Variants in FREM2 observed in about 807,000 individuals in gnomAD.
FREM2 encodes the protein FRAS1-related extracellular matrix protein 2.
FREM2 carries 119 observed loss-of-function variants against 219.9 expected under a neutral mutation model. The ratio of observed to expected loss-of-function variants is 0.54; its 90% CI spans 0.47 to 0.63. FREM2 has a LOEUF of 0.63. FREM2 is among the 30% of genes least tolerant of loss of function. FREM2 has a pLI of 0.00. For missense variants in FREM2, 4,030 were observed against 3,993.6 expected (o/e 1.01, Z -0.25); for synonymous variants, 1,562 against 1,522.8 (o/e 1.03, Z -0.60).
chr13:38,687,965 C>G lies in FREM2; in HGVS notation c.621C>G (p.Phe207Leu). Reference protein sequence around the residue: ...SNALDARSLEFAFQPETEECR... With the variant: ...SNALDARSLELAFQPETEECR... ...CCCTGGACGCGCGGAGCCTGGAGTT[C>G]GCCTTCCAGCCCGAGACAGAGGAGT... The change falls in exon 1 of 24, where the codon TTC (phenylalanine) becomes TTG (leucine). Residue 207 changes from phenylalanine (F) to leucine (L), a missense_variant. Phe to Leu is a conservative substitution (Grantham distance 22, BLOSUM62 0). This residue lies in a region of FREM2 where 3,102 missense variants were observed against 2,950.7 expected (regional missense o/e 1.05). Transcript: ENST00000280481. The G allele has an allele frequency of 6.2e-7, 1 of 1,611,456 alleles. No individual in the cohort carries two copies. The highest frequency in any genetic ancestry group is 1.7e-5 in the Admixed American group (1 of 59,818).
intron 2 of FREM2, among the ~76,000 whole-genome samples, chr13:38,702,196 C>G (rs1348112323): frequency 1.3e-5 from 2 of 152,036 alleles, no homozygotes; most frequent in African/African-American, 4.8e-5. Flanking sequence ...TTAACTAAAT[C>G]AACTGCTGTG....
At chr13:38,830,905 ACT>A (rs556021839) in intron 6 of FREM2, among the ~76,000 whole-genome samples, 95 of 152,074 alleles carry the variant, frequency 6.2e-4, no homozygotes, top group African/African-American at 2.2e-3. Context: ...TGATTCTCAG[ACT>A]CTAATATGTG....
At chr13:38,855,141 T>A (rs1218739553) in intron 11 of FREM2, among the ~76,000 whole-genome samples, 1 of 152,104 alleles carries the variant, frequency 6.6e-6, no homozygotes, top group East Asian at 1.9e-4. Context: ...AATTCTGATT[T>A]TTTTTTTAGG....
chr13:38,767,691 G>A (rs1873495244), intron 3 of FREM2, among the ~76,000 whole-genome samples: 1 of 152,168 alleles, frequency 6.6e-6, no homozygotes, highest in African/African-American at 2.4e-5. Context: ...AATTGTAGTG[G>A]ATCCAAGAGG....
chr13:38,770,325 TG>T (rs1339524967), intron 4 of FREM2, among the ~76,000 whole-genome samples: 1 of 151,694 alleles, frequency 6.6e-6, no homozygotes, highest in African/African-American at 2.4e-5. Flanking sequence ...CCCAAAGCAC[TG>T]GGATTACAGG....
Position 38,689,742 on chromosome 13 carries a change from G to A in FREM2, c.2398G>A (p.Ala800Thr). 2.5e-6 allele frequency: 4 copies of A among 1,613,320 alleles called. No homozygotes were observed. Among genetic ancestry groups the A allele is most frequent in the Non-Finnish European group, 3.4e-6 (4 of 1,179,632 alleles). ...GQELGVATRVAQFQFQVEDRA... is the reference protein window; with the variant it reads ...GQELGVATRVTQFQFQVEDRA... ...AGAACTGGGCGTGGCTACTCGAGTGGCCCAGTTCCAGTTCCAGGTGGAAGA... is the reference window on the plus strand; with the variant it reads ...AGAACTGGGCGTGGCTACTCGAGTGACCCAGTTCCAGTTCCAGGTGGAAGA... Residue 800 changes from alanine (A) to threonine (T), a missense_variant, in exon 1 of 24, where the codon GCC (alanine) becomes ACC (threonine). Coordinates refer to ENST00000280481, the MANE Select transcript of FREM2 (RefSeq NM_207361.6).
In FREM2 at chr13:38,878,911, A is replaced by C; in HGVS notation, c.8940A>C (p.Glu2980Asp). 1 of 1,614,178 alleles carries C rather than the reference A, an allele frequency of 6.2e-7. No homozygotes were observed. Among genetic ancestry groups the C allele is most frequent in the Admixed American group, 1.7e-5 (1 of 60,024 alleles). ...FNAKLAVDDP[E>D]AILLVNQPGS... ...CCAAACTAGCAGTGGATGACCCTGA[A>C]GCCATTCTCTTAGTGAATCAGCCTG... Residue 2980 changes from glutamate (E) to aspartate (D), a missense_variant, in exon 23 of 24, where the codon GAA becomes GAC. By Grantham distance (45) the Glu-to-Asp change is conservative. Coordinates refer to ENST00000280481, the MANE Select transcript of FREM2 (RefSeq NM_207361.6).
chr13:38,836,195 A>G (rs1566160299), intron 6 of FREM2, among the ~76,000 whole-genome samples: 2 of 152,188 alleles, frequency 1.3e-5, no homozygotes, highest in Non-Finnish European at 2.9e-5. Context: ...ATCTATTGAG[A>G]TAATTATGTG....
At chr13:38,829,085 G>A (rs11842663) in intron 6 of FREM2, among the ~76,000 whole-genome samples, 2,915 of 152,180 alleles carry the variant, frequency 0.019, 43 homozygotes, top group Non-Finnish European at 0.031. Flanking sequence ...ACAAATCCAT[G>A]ACACATATGC....
At chr13:38,876,208 A>G in intron 19 of FREM2, 40 bp from the exon 20 acceptor site, 10 of 1,614,060 alleles carry the variant, frequency 6.2e-6, no homozygotes, top group Non-Finnish European at 8.5e-6. Context: ...ATTACACCTC[A>G]GATTTTTAAA....
At chr13:38,785,340 A>G (rs913691693) in intron 6 of FREM2, among the ~76,000 whole-genome samples, 1 of 152,232 alleles carries the variant, frequency 6.6e-6, no homozygotes. Context: ...CTAAATTGCC[A>G]TGAAGTAGAA....
At chr13:38,731,802 T>A (rs914096976) in intron 2 of FREM2, among the ~76,000 whole-genome samples, 1 of 152,154 alleles carries the variant, frequency 6.6e-6, no homozygotes, top group African/African-American at 2.4e-5. Context: ...GTAGAATGAT[T>A]TATGTTAAAT....
chr13:38,804,741 C>T (rs924735556), intron 6 of FREM2, among the ~76,000 whole-genome samples: 1 of 152,072 alleles, frequency 6.6e-6, no homozygotes, highest in Non-Finnish European at 1.5e-5. Flanking sequence ...AATAAGGCTA[C>T]GTATTGTCAG....
At chr13:38,766,281 T>G (rs12865228) in intron 3 of FREM2, among the ~76,000 whole-genome samples, 24,050 of 152,178 alleles carry the variant, frequency 0.16, 2,145 homozygotes, top group East Asian at 0.41. Context: ...TTGTTGTTAT[T>G]TTTTTCAATG....
chr13:38,749,140 C>T (rs566459556), intron 2 of FREM2, among the ~76,000 whole-genome samples: 3 of 152,284 alleles, frequency 2.0e-5, no homozygotes, highest in South Asian at 2.1e-4. Context: ...TGGAAATCAT[C>T]ACCCACATAT....
intron 1 of FREM2, among the ~76,000 whole-genome samples, chr13:38,693,741 A>C (rs1287425840): frequency 6.6e-6 from 1 of 152,232 alleles, no homozygotes; most frequent in Non-Finnish European, 1.5e-5. Flanking sequence ...TAAACATGGA[A>C]GTAGCAAAAT....
intron 4 of FREM2, among the ~76,000 whole-genome samples, chr13:38,770,796 A>G (rs1593396672): frequency 6.6e-6 from 1 of 151,494 alleles, no homozygotes; most frequent in Non-Finnish European, 1.5e-5. Flanking sequence ...GTGTAATTTG[A>G]CCTTTTTATT....
chr13:38,701,451 T>C (rs1870339137), intron 2 of FREM2, among the ~76,000 whole-genome samples: 1 of 152,172 alleles, frequency 6.6e-6, no homozygotes, highest in Non-Finnish European at 1.5e-5. Context: ...TACATCTTCC[T>C]TTGTTGACTG....
rs141249297 is a variant in FREM2, at chr13:38,730,148, C to T, written c.5263+32361C>T. 2.0e-3 allele frequency among the ~76,000 whole-genome samples: 307 copies of T among 152,274 alleles called. 3 individuals carry two copies. The highest frequency in any genetic ancestry group is 2.9e-3 in the Non-Finnish European group (197 of 68,026). On this transcript the variant is annotated intron_variant, in intron 2 of 23. Coordinates refer to ENST00000280481, the MANE Select transcript of FREM2 (RefSeq NM_207361.6). Reference sequence around the variant, plus strand: ...AAATTTGATAGTCACACACATCTCACGGTAGCACTGTGTCTAGATGCAGCG... The same window carrying T: ...AAATTTGATAGTCACACACATCTCATGGTAGCACTGTGTCTAGATGCAGCG...
Sources: gnomAD v4.1 joint callset for allele counts (sites outside exome capture counted in the v4.1 genomes callset) on GRCh38, gnomAD v4.1.1 for gene constraint, gnomAD v4.1.1 regional missense constraint, MANE v1.5 for transcripts, NCBI Gene and HGNC (gene_info 2026-07-23, HGNC 2026-07-21) for gene names.